The following MLIP variants were observed in gnomAD, a reference collection of about 807,000 sequenced individuals.
MLIP encodes muscular LMNA-interacting protein.
Under a neutral mutation model 84.8 loss-of-function variants are expected in MLIP, and 79 were observed. The ratio of observed to expected loss-of-function variants is 0.93; its 90% CI spans 0.78 to 1.12. The LOEUF (loss-of-function observed/expected upper bound fraction) is 1.12, where lower values mean the gene tolerates loss of function less well. MLIP is among the 50% of genes most tolerant of loss of function. MLIP has a pLI of 0.00. For missense variants in MLIP, 1,257 were observed against 1,160.6 expected (o/e 1.08, Z -1.21); for synonymous variants, 504 against 463.0 (o/e 1.09, Z -1.14).
chr6:54,245,317 T>C (rs564892422), intron 12 of MLIP, among the ~76,000 whole-genome samples: 1 of 152,332 alleles, frequency 6.6e-6, no homozygotes, highest in South Asian at 2.1e-4. Flanking sequence ...CAAATGTGAC[T>C]TCAGTTCAAG....
rs1582179552 is a variant in MLIP, at chr6:54,116,169, G to A, written c.96+4594G>A. ...GGTCATAAGGTCTGAGCAGTTCAAG[G>A]CATAAAAGGGTGGCAGGGATTGAAG... On this transcript the variant is annotated intron_variant, in intron 1 of 13. Transcript: ENST00000502396. 2.0e-5 allele frequency among the ~76,000 whole-genome samples: 3 copies of A among 152,236 alleles called. No individual in the cohort carries two copies. In the South Asian group the frequency reaches 6.2e-4, roughly 32 times the overall value.
chr6:54,187,388 A>G (rs1286510881), intron 9 of MLIP, among the ~76,000 whole-genome samples: 1 of 152,212 alleles, frequency 6.6e-6, no homozygotes, highest in Non-Finnish European at 1.5e-5. Context: ...AATACAAGCA[A>G]CATGGTATTT....
intron 11 of MLIP, among the ~76,000 whole-genome samples, chr6:54,211,023 G>C (rs1779414595): frequency 6.6e-6 from 1 of 152,134 alleles, no homozygotes; most frequent in African/African-American, 2.4e-5. Context: ...TGGATTACCT[G>C]AGGTCAGGAG....
intron 12 of MLIP, among the ~76,000 whole-genome samples, chr6:54,252,244 GTATAATATATTATAACATATAATA>G: frequency 1.0e-5 from 1 of 96,848 alleles, no homozygotes; most frequent in Non-Finnish European, 1.7e-5. Context: ...TAATATATAA[GTATAATATATTATAACATATAATA>G]TATAATATAA....
rs1364585712 is a variant in MLIP, at chr6:54,167,847, C to G, written c.2500-1681C>G. Among the ~76,000 whole-genome samples the G allele has an allele frequency of 4.0e-5, 6 of 151,892 alleles. No homozygotes were observed. The East Asian group carries it at 1.2e-3, about 30-fold the overall frequency. ...TGAAGACCATGTGTCTTCTGGGTCA[C>G]TCTTACTCCTAGGGGCTCAATCTGT... On this transcript the variant is annotated intron_variant, in intron 8 of 13. Coordinates refer to ENST00000502396, the MANE Select transcript of MLIP (RefSeq NM_001281747.2).
chr6:54,059,715 G>A (rs1261762039), intron 1 of MLIP, among the ~76,000 whole-genome samples: 1 of 152,028 alleles, frequency 6.6e-6, no homozygotes, highest in East Asian at 1.9e-4. Context: ...TAGTATTATT[G>A]GTATATCTAA....
chr6:54,179,962 T>C (rs915776962), intron 9 of MLIP, among the ~76,000 whole-genome samples: 5 of 152,186 alleles, frequency 3.3e-5, no homozygotes, highest in Admixed American at 6.5e-5. Context: ...GAGCCCTCTT[T>C]AGCATTTCTT....
intron 12 of MLIP, among the ~76,000 whole-genome samples, chr6:54,237,949 C>T (rs1040175816): frequency 2.6e-5 from 4 of 152,042 alleles, no homozygotes; most frequent in Admixed American, 1.3e-4. Flanking sequence ...AGAAAGGGTA[C>T]AGAAGAAAGA....
chr6:54,097,350 T>G (rs1451526105), intron 1 of MLIP, among the ~76,000 whole-genome samples: 1 of 152,150 alleles, frequency 6.6e-6, no homozygotes, highest in Non-Finnish European at 1.5e-5. Flanking sequence ...GAAGGGCATG[T>G]CACATCATTT....
At chr6:54,243,574 A>G (rs1212637050) in intron 12 of MLIP, among the ~76,000 whole-genome samples, 1 of 152,202 alleles carries the variant, frequency 6.6e-6, no homozygotes, top group Non-Finnish European at 1.5e-5. Flanking sequence ...TTTTAAAACA[A>G]TCATAAAGTA....
intron 12 of MLIP, among the ~76,000 whole-genome samples, chr6:54,245,822 A>G (rs1380197323): frequency 6.6e-6 from 1 of 152,130 alleles, no homozygotes; most frequent in East Asian, 1.9e-4. Context: ...TACTTATCCC[A>G]TGCAACAAAA....
chr6:54,074,352 G>A (rs1203422338), intron 1 of MLIP, among the ~76,000 whole-genome samples: 1 of 152,136 alleles, frequency 6.6e-6, no homozygotes, highest in African/African-American at 2.4e-5. Context: ...TGTGGGAGGT[G>A]AGTAAGCATG....
chr6:54,238,617 G>A (rs1781518255), intron 12 of MLIP, among the ~76,000 whole-genome samples: 1 of 152,136 alleles, frequency 6.6e-6, no homozygotes, highest in African/African-American at 2.4e-5. Flanking sequence ...AGAGGAGTGA[G>A]GACTAAGCCT....
At chr6:54,059,556 G>A (rs1461033940) in intron 1 of MLIP, among the ~76,000 whole-genome samples, 1 of 152,126 alleles carries the variant, frequency 6.6e-6, no homozygotes, top group Non-Finnish European at 1.5e-5. Flanking sequence ...ATGGGGATGA[G>A]AAAAGAAATA....
intron 13 of MLIP, among the ~76,000 whole-genome samples, chr6:54,262,711 G>A (rs756818231): frequency 7.9e-5 from 12 of 151,928 alleles, no homozygotes; most frequent in Admixed American, 2.0e-4. Context: ...AGGCCCACCT[G>A]TTTTCAAAAG....
Position 54,247,623 on chromosome 6 carries a change from A to G in MLIP, c.2923-9685A>G, listed in dbSNP as rs151073523. Among the ~76,000 whole-genome samples the G allele has an allele frequency of 4.0e-3, 610 of 152,284 alleles. 3 individuals carry two copies. The highest frequency in any genetic ancestry group is 6.2e-3 in the Non-Finnish European group (421 of 68,008). On this transcript the variant is annotated intron_variant, in intron 12 of 13. Coordinates refer to ENST00000502396, the MANE Select transcript of MLIP (RefSeq NM_001281747.2). Reference sequence around the variant, plus strand: ...ACACAACTTTGAAGTGTAGTTTGAAATAATGCATAGGAAGGTGTGGGAATG... The same window carrying G: ...ACACAACTTTGAAGTGTAGTTTGAAGTAATGCATAGGAAGGTGTGGGAATG...
chr6:54,077,241 T>G (rs932172595), intron 1 of MLIP, among the ~76,000 whole-genome samples: 2 of 152,142 alleles, frequency 1.3e-5, no homozygotes, highest in African/African-American at 4.8e-5. Flanking sequence ...TAAAGCAAAG[T>G]TGACAAATCT....
In MLIP at chr6:54,230,149, G is replaced by T. The variant is rs1337684071; in HGVS notation, c.2719-565G>T. 4.6e-5 allele frequency among the ~76,000 whole-genome samples: 7 copies of T among 152,148 alleles called. No homozygotes were observed. In the East Asian group the frequency reaches 1.3e-3, roughly 29 times the overall value. ...AAACAACACATTGCCTAGAATTGAA[G>T]ACCTTATTCATTCTTTCCAGACCCA... On this transcript the variant is annotated intron_variant, in intron 11 of 13. Transcript: ENST00000502396.
chr6:54,128,926 GT>G (rs367744663), intron 3 of MLIP, among the ~76,000 whole-genome samples: 4 of 150,794 alleles, frequency 2.7e-5, no homozygotes, highest in South Asian at 2.1e-4. Context: ...TGGCAGCATT[GT>G]TTTTTTTTGG....
Sources: allele counts gnomAD v4.1 joint callset (sites outside exome capture counted in the v4.1 genomes callset), GRCh38; gene constraint gnomAD v4.1.1; transcripts MANE v1.5; gene names NCBI Gene and HGNC (gene_info 2026-07-23, HGNC 2026-07-21).